Variants in RNF144A observed in about 807,000 individuals in gnomAD.
RNF144A encodes ring finger protein 144A.
RNF144A carries 11 observed loss-of-function variants against 38.7 expected under a neutral mutation model. That is an observed-to-expected ratio of 0.28 (90% CI 0.18 to 0.47). The LOEUF is 0.47. Among genes scored for constraint, RNF144A ranks in the 20% least tolerant of loss-of-function variants. The pLI, the probability that RNF144A is intolerant of heterozygous loss-of-function variation, is 0.99. For missense variants in RNF144A, 316 were observed against 377.2 expected (o/e 0.84, Z 1.34); for synonymous variants, 149 against 143.9 (o/e 1.04, Z -0.25).
chr2:7,074,205 A>G, the RNF144A span, among the ~76,000 whole-genome samples: 2 of 152,210 alleles, frequency 1.3e-5, no homozygotes, highest in African/African-American at 4.8e-5. Context: ...AACAAAAGTC[A>G]GTGGATTTCC....
In RNF144A at chr2:7,015,445, C is replaced by T. The variant is rs114846302; in HGVS notation, c.301+673C>T. Among the ~76,000 whole-genome samples the T allele has an allele frequency of 8.8e-3, 1,334 of 152,308 alleles. 27 individuals are homozygous for T. The highest frequency in any genetic ancestry group is 0.031 in the African/African-American group (1,276 of 41,556). On this transcript the variant is annotated intron_variant, in intron 5 of 8. Transcript: ENST00000320892. ...CTTCATCGTGAGCCCTCCACTGGGC[C>T]CTGAATAGTCCTTCTGGCTGGAGCA...
chr2:6,960,759 A>C (rs1188636246), intron 2 of RNF144A, among the ~76,000 whole-genome samples: 1 of 152,128 alleles, frequency 6.6e-6, no homozygotes, highest in Non-Finnish European at 1.5e-5. Context: ...TGGAGGTATG[A>C]GAGTTCTTTT....
At chr2:6,989,289 C>T (rs1669183022) in intron 2 of RNF144A, among the ~76,000 whole-genome samples, 1 of 142,800 alleles carries the variant, frequency 7.0e-6, no homozygotes, top group African/African-American at 2.5e-5. Flanking sequence ...CCATGACCAC[C>T]CTTGCTTATC....
intron 3 of RNF144A, among the ~76,000 whole-genome samples, chr2:7,000,416 G>A (rs1207382116): frequency 1.3e-5 from 2 of 152,188 alleles, no homozygotes; most frequent in South Asian, 2.1e-4. Flanking sequence ...TCCCGTGTTC[G>A]TTTTGTCAAT....
downstream of RNF144A, among the ~76,000 whole-genome samples, chr2:7,073,152 C>T (rs1388396698): frequency 6.6e-6 from 1 of 152,226 alleles, no homozygotes; most frequent in East Asian, 1.9e-4. Flanking sequence ...TGGCTTGTTT[C>T]CTTTCCTAGG....
chr2:7,001,513 C>CA (rs1670100799), intron 3 of RNF144A, among the ~76,000 whole-genome samples: 1 of 151,678 alleles, frequency 6.6e-6, no homozygotes. Context: ...CTTGTCTCTA[C>CA]AAAAAATAAA....
At chr2:7,031,832 C>G (rs758842257) in intron 8 of RNF144A, among the ~76,000 whole-genome samples, 3 of 152,368 alleles carry the variant, frequency 2.0e-5, no homozygotes, top group Non-Finnish European at 4.4e-5. Flanking sequence ...CCTCGCAGGC[C>G]GTAGGCCTCT....
Position 7,043,523 on chromosome 2 carries a change from C to T in RNF144A, c.*3763C>T. On this transcript the variant is annotated 3_prime_UTR_variant, in exon 9 of 9. Coordinates refer to ENST00000320892, the MANE Select transcript of RNF144A (RefSeq NM_014746.6). ...AAAACATTTTGCATGTGTAAAGCTT[C>T]ATGAAGTTCTCTTTAAAAAATACCA... is the stretch of plus-strand genomic sequence containing the variant. 1.0e-6 allele frequency: 1 copy of T among 985,576 alleles called. No individual in the cohort carries two copies. Among genetic ancestry groups the T allele is most frequent in the Non-Finnish European group, 1.2e-6 (1 of 829,736 alleles). 61.1% of individuals were successfully genotyped at this position (985,576 alleles called of 1,614,324 possible). A position where few individuals can be genotyped will look rare whatever the true frequency, so the allele number is the denominator to read the frequency against.
At chr2:6,999,631 C>T (rs899147988) in intron 3 of RNF144A, among the ~76,000 whole-genome samples, 8 of 152,152 alleles carry the variant, frequency 5.3e-5, no homozygotes, top group Non-Finnish European at 1.0e-4. Flanking sequence ...TCTATTTCTG[C>T]CCTGAGCAGG....
intron 1 of RNF144A, among the ~76,000 whole-genome samples, chr2:6,927,111 C>G (rs1414022859): frequency 1.3e-5 from 2 of 152,208 alleles, no homozygotes; most frequent in African/African-American, 4.8e-5. Context: ...TTCACGTCTC[C>G]TGTTTGTGAA....
At chr2:7,001,668 C>A (rs1000945298) in intron 3 of RNF144A, among the ~76,000 whole-genome samples, 2 of 152,186 alleles carry the variant, frequency 1.3e-5, no homozygotes, top group East Asian at 3.8e-4. Flanking sequence ...CAGAGCAAGA[C>A]CCTGTCTCAG....
intron 2 of RNF144A, among the ~76,000 whole-genome samples, chr2:6,965,633 C>T (rs996711142): frequency 1.3e-5 from 2 of 152,058 alleles, no homozygotes; most frequent in Admixed American, 6.6e-5. Context: ...CGCAGAGCTT[C>T]GGGAAACGGG....
chr2:6,992,094 T>C (rs1163287633), intron 2 of RNF144A, among the ~76,000 whole-genome samples: 3 of 152,190 alleles, frequency 2.0e-5, no homozygotes, highest in Non-Finnish European at 2.9e-5. Flanking sequence ...AGTTTTGGTA[T>C]TGTTGAAGAA....
intron 6 of RNF144A, chr2:7,020,895 C>T (rs983730647): frequency 1.7e-6 from 1 of 572,374 alleles, no homozygotes; most frequent in African/African-American, 1.9e-5. Context: ...GTGTGAGGCC[C>T]TGGAAATAGA....
intron 2 of RNF144A, among the ~76,000 whole-genome samples, chr2:6,970,701 G>A (rs1009321755): frequency 6.6e-6 from 1 of 152,204 alleles, no homozygotes; most frequent in Non-Finnish European, 1.5e-5. Context: ...AGAGGCTGTG[G>A]TGGACAATGA....
At chr2:7,024,070 C>A (rs401164) in intron 6 of RNF144A, among the ~76,000 whole-genome samples, 41,282 of 151,960 alleles carry the variant, frequency 0.27, 6,553 homozygotes, top group Admixed American at 0.35. Context: ...TTATAATAAG[C>A]CTTTCGCTGT....
At chr2:6,997,490 A>G (rs1032259198) in intron 3 of RNF144A, among the ~76,000 whole-genome samples, 1 of 152,208 alleles carries the variant, frequency 6.6e-6, no homozygotes, top group African/African-American at 2.4e-5. Context: ...GCTTAGTGCT[A>G]AACTAGAATA....
intron 1 of RNF144A, among the ~76,000 whole-genome samples, chr2:6,930,538 A>G (rs1466086817): frequency 1.3e-5 from 2 of 152,058 alleles, no homozygotes; most frequent in African/African-American, 2.4e-5. Flanking sequence ...TATATAATAT[A>G]TATAGATACA....
chr2:7,000,026 G>C (rs1670001417), intron 3 of RNF144A, among the ~76,000 whole-genome samples: 1 of 152,186 alleles, frequency 6.6e-6, no homozygotes. Context: ...ATGTATTTCA[G>C]TGTGAAAGGG....
Sources: gnomAD v4.1 joint callset for allele counts (sites outside exome capture counted in the v4.1 genomes callset) on GRCh38, gnomAD v4.1.1 for gene constraint, MANE v1.5 for transcripts, NCBI Gene and HGNC (gene_info 2026-07-23, HGNC 2026-07-21) for gene names.